The following RANBP2 variants were observed in gnomAD, a reference collection of about 807,000 sequenced individuals.
RANBP2 encodes RAN binding protein 2, also known as E3 SUMO-protein ligase RanBP2.
In RANBP2, 57 loss-of-function variants were observed where a neutral mutation model predicts 303.6. The observed-to-expected ratio is 0.19, with a 90% CI of 0.15 to 0.23. The LOEUF (loss-of-function observed/expected upper bound fraction) is 0.23. Among genes scored for constraint, RANBP2 ranks in the 10% least tolerant of loss-of-function variants. The pLI is 1.00. For missense variants in RANBP2, 3,138 were observed against 3,780.8 expected (o/e 0.83, Z 4.46); for synonymous variants, 1,167 against 1,301.5 (o/e 0.90, Z 2.23).
At chr2:108,794,556 T>TACGAG in the RANBP2 span, 1 of 1,610,636 alleles carries the variant, frequency 6.2e-7, no homozygotes, top group Non-Finnish European at 8.5e-7. Flanking sequence ...TGCCAACTAA[T>TACGAG]ACGACCTCAT....
the RANBP2 span, among the ~76,000 whole-genome samples, chr2:108,803,352 C>T: frequency 6.6e-6 from 1 of 152,158 alleles, no homozygotes; most frequent in African/African-American, 2.4e-5. Flanking sequence ...CATAGAGGCC[C>T]CTCTTCCTGA....
chr2:109,615,793 G>A, the RANBP2 span: 2 of 1,614,144 alleles, frequency 1.2e-6, no homozygotes, highest in East Asian at 2.2e-5. Context: ...CTAGAAGATG[G>A]AGGGGACCAT....
At chr2:109,043,435 C>T in the RANBP2 span, among the ~76,000 whole-genome samples, 1 of 152,122 alleles carries the variant, frequency 6.6e-6, no homozygotes, top group Non-Finnish European at 1.5e-5. Flanking sequence ...CTCCGCCTCC[C>T]AGGATCAAGC....
At chr2:108,746,892 A>T in intron 8 of RANBP2, 94 bp downstream of exon 8, 2 of 661,540 alleles carry the variant, frequency 3.0e-6, no homozygotes, top group Non-Finnish European at 5.2e-6. Flanking sequence ...TCCAGGAGAT[A>T]ATTTGTCAAA....
At chr2:109,386,524 G>C in the RANBP2 span, among the ~76,000 whole-genome samples, 7 of 152,202 alleles carry the variant, frequency 4.6e-5, no homozygotes, top group Non-Finnish European at 1.0e-4. Context: ...AAAAACCAGC[G>C]TTAGCTGGAT....
At chr2:109,061,010 T>G in the RANBP2 span, among the ~76,000 whole-genome samples, 4 of 152,068 alleles carry the variant, frequency 2.6e-5, no homozygotes, top group African/African-American at 9.7e-5. Context: ...AGTAAGCGCT[T>G]CAAACTTGCT....
the RANBP2 span, among the ~76,000 whole-genome samples, chr2:109,609,784 C>A: frequency 9.2e-5 from 14 of 152,084 alleles, no homozygotes; most frequent in South Asian, 1.9e-3. Flanking sequence ...CAGGAAATGA[C>A]AAATGCGGAC....
the RANBP2 span, among the ~76,000 whole-genome samples, chr2:108,809,448 T>TTTTG: frequency 1.6e-3 from 232 of 141,226 alleles, no homozygotes; most frequent in Non-Finnish European, 2.7e-3. Context: ...ACATGAAATG[T>TTTTG]TGTGTGTGTG....
the RANBP2 span, among the ~76,000 whole-genome samples, chr2:108,860,935 CTTTTTTTTTTT>C: frequency 3.4e-4 from 13 of 37,914 alleles, 1 homozygote; most frequent in Admixed American, 1.0e-3. Flanking sequence ...TGGTCCAGGA[CTTTTTTTTTTT>C]TTTTTTTTTT....
At chr2:109,588,074 A>C in the RANBP2 span, among the ~76,000 whole-genome samples, 2 of 152,124 alleles carry the variant, frequency 1.3e-5, no homozygotes, top group Admixed American at 6.6e-5. Flanking sequence ...GCAAACCAGA[A>C]GACAAAACAA....
chr2:109,426,105 C>T, the RANBP2 span, among the ~76,000 whole-genome samples: 561 of 152,252 alleles, frequency 3.7e-3, 5 homozygotes, highest in South Asian at 7.9e-3. Context: ...GACAGGTTTT[C>T]GCCATGTTGG....
the RANBP2 span, among the ~76,000 whole-genome samples, chr2:108,822,644 A>G: frequency 1.2e-4 from 18 of 152,364 alleles, no homozygotes; most frequent in South Asian, 3.7e-3. Flanking sequence ...CCAAGGAAGG[A>G]TAACTATAAA....
the RANBP2 span, among the ~76,000 whole-genome samples, chr2:109,354,151 C>G: frequency 2.0e-5 from 3 of 151,972 alleles, no homozygotes; most frequent in Non-Finnish European, 4.4e-5. Context: ...AGTTTCTGAA[C>G]TATTCCCTTT....
chr2:109,133,526 A>G, the RANBP2 span, among the ~76,000 whole-genome samples: 2 of 152,148 alleles, frequency 1.3e-5, no homozygotes, highest in South Asian at 2.1e-4. Flanking sequence ...GAACACAGTC[A>G]CCTTTTATGA....
chr2:109,356,457 C>T, the RANBP2 span, among the ~76,000 whole-genome samples: 2 of 152,212 alleles, frequency 1.3e-5, no homozygotes, highest in Admixed American at 6.5e-5. Flanking sequence ...GCACGACACT[C>T]GACATGCTTG....
chr2:108,752,669 T>C (rs1675992928), intron 12 of RANBP2, among the ~76,000 whole-genome samples: 1 of 149,014 alleles, frequency 6.7e-6, no homozygotes, highest in Non-Finnish European at 1.5e-5. Context: ...GGCAGGCATC[T>C]GTAGTCCCAG....
At chr2:109,056,336 T>G in the RANBP2 span, among the ~76,000 whole-genome samples, 5 of 152,002 alleles carry the variant, frequency 3.3e-5, no homozygotes, top group Non-Finnish European at 7.4e-5. Context: ...CTCACTAACT[T>G]TTGAATTTTT....
the RANBP2 span, among the ~76,000 whole-genome samples, chr2:109,139,093 C>A: frequency 6.6e-6 from 1 of 152,174 alleles, no homozygotes; most frequent in African/African-American, 2.4e-5. Flanking sequence ...GTATCCACAT[C>A]TTTACTCTTT....
the RANBP2 span, chr2:108,791,658 C>A: frequency 6.3e-7 from 1 of 1,599,910 alleles, no homozygotes; most frequent in Non-Finnish European, 8.5e-7. Context: ...TGCTGTGATA[C>A]AATTATTTTT....
Sources: gnomAD v4.1 joint callset for allele counts (sites outside exome capture counted in the v4.1 genomes callset) on GRCh38, gnomAD v4.1.1 for gene constraint, MANE v1.5 for transcripts, NCBI Gene and HGNC (gene_info 2026-07-23, HGNC 2026-07-21) for gene names.